CTBP2: variants seen among roughly 807,000 people sequenced by gnomAD.
CTBP2 encodes the protein C-terminal binding protein 2, also known as C-terminal-binding protein 2.
Under a neutral mutation model 80.3 loss-of-function variants are expected in CTBP2, and 30 were observed. That is an observed-to-expected ratio of 0.37 (90% CI 0.28 to 0.51). The LOEUF (loss-of-function observed/expected upper bound fraction) is 0.51. CTBP2 is among the 20% of genes least tolerant of loss of function. CTBP2 has a pLI of 0.93. For synonymous variants in CTBP2, 594 were observed against 587.4 expected, an observed-to-expected ratio of 1.01 and a Z score of -0.16; for missense variants, 1,212 against 1,375.3, an observed-to-expected ratio of 0.88 and a Z score of 1.88.
At chr10:125,113,265 G>A (rs532449880) in intron 1 of CTBP2, among the ~76,000 whole-genome samples, 1 of 152,328 alleles carries the variant, frequency 6.6e-6, no homozygotes, top group South Asian at 2.1e-4. Flanking sequence ...TGAGGTGGCA[G>A]AGCTTGCCTG....
chr10:125,061,509 T>C (rs1964969368), intron 2 of CTBP2, among the ~76,000 whole-genome samples: 1 of 152,174 alleles, frequency 6.6e-6, no homozygotes, highest in Non-Finnish European at 1.5e-5. Context: ...TCCTCCTCCT[T>C]GCTCCAAGGA....
intron 2 of CTBP2, among the ~76,000 whole-genome samples, chr10:125,062,778 T>G (rs910884586): frequency 4.6e-5 from 7 of 152,112 alleles, no homozygotes; most frequent in Non-Finnish European, 1.0e-4. Context: ...CAGGATAATC[T>G]CTTGAACCTG....
intron 3 of CTBP2, among the ~76,000 whole-genome samples, chr10:125,033,827 G>C (rs1958532204): frequency 6.6e-6 from 1 of 152,104 alleles, no homozygotes; most frequent in African/African-American, 2.4e-5. Context: ...GGGCCCAGGG[G>C]CTCCGGGCCA....
At chr10:125,105,122 T>C (rs1294084215) in intron 2 of CTBP2, among the ~76,000 whole-genome samples, 3 of 152,004 alleles carry the variant, frequency 2.0e-5, no homozygotes, top group Non-Finnish European at 4.4e-5. Context: ...CACCCAGGCA[T>C]AGGCAGGCGC....
chr10:125,106,414 C>T (rs929583776), intron 2 of CTBP2, among the ~76,000 whole-genome samples: 1 of 152,156 alleles, frequency 6.6e-6, no homozygotes, highest in Non-Finnish European at 1.5e-5. Context: ...GGACGCGGGG[C>T]GACCTGAGTT....
intron 1 of CTBP2, among the ~76,000 whole-genome samples, chr10:125,156,404 A>T (rs1860923120): frequency 6.6e-6 from 1 of 152,150 alleles, no homozygotes; most frequent in Admixed American, 6.5e-5. Context: ...AACTCTTTAA[A>T]TTTTTTCCAT....
Position 125,152,438 on chromosome 10 carries a change from C to CG in CTBP2, c.-206+7880_-206+7881insC, listed in dbSNP as rs1238652623. 2.0e-5 allele frequency among the ~76,000 whole-genome samples: 3 copies of CG among 152,210 alleles called. No individual in the cohort carries two copies. The East Asian group carries it at 5.8e-4, about 29-fold the overall frequency. On this transcript the variant is annotated intron_variant, in intron 1 of 10. Coordinates refer to the CTBP2 transcript ENST00000337195. ...TCAGTCTGAGCGGATCGCAGGGGTT[C>CG]CAGGCGCCCCAGGCCCCCCACACCG... is the stretch of plus-strand genomic sequence containing the variant.
At chr10:125,055,626 G>C (rs984809189) in intron 2 of CTBP2, among the ~76,000 whole-genome samples, 1 of 152,130 alleles carries the variant, frequency 6.6e-6, no homozygotes, top group Non-Finnish European at 1.5e-5. Flanking sequence ...ACACGGCTAC[G>C]TCTCACAAAG....
At chr10:125,087,960 A>C (rs1006331098) in intron 2 of CTBP2, among the ~76,000 whole-genome samples, 4 of 152,300 alleles carry the variant, frequency 2.6e-5, no homozygotes, top group Admixed American at 6.5e-5. Flanking sequence ...TGGGCTCAGC[A>C]GCCTCGGGTG....
intron 2 of CTBP2, among the ~76,000 whole-genome samples, chr10:125,069,342 G>A (rs946677871): frequency 1.3e-5 from 2 of 152,264 alleles, no homozygotes; most frequent in Admixed American, 6.5e-5. Flanking sequence ...CTATGGCCAA[G>A]TGCGGTGGCT....
At chr10:125,035,338 A>G (rs973132995) in intron 3 of CTBP2, among the ~76,000 whole-genome samples, 2 of 152,140 alleles carry the variant, frequency 1.3e-5, no homozygotes, top group Non-Finnish European at 2.9e-5. Context: ...GAGCTTGTTT[A>G]TTTAAGAGGA....
intron 2 of CTBP2, among the ~76,000 whole-genome samples, chr10:125,043,414 C>G (rs551349560): frequency 5.9e-5 from 9 of 152,132 alleles, no homozygotes; most frequent in Non-Finnish European, 1.2e-4. Context: ...TTTTATAGAC[C>G]CTCTCGATTT....
At position 125,044,794 on chromosome 10, in the gene CTBP2, T is replaced by C. The variant is rs186140464; in HGVS notation, c.-101-5639A>G. Among the ~76,000 whole-genome samples, 149 of 152,202 alleles carry C rather than the reference T, an allele frequency of 9.8e-4. 2 individuals carry two copies. Among genetic ancestry groups the C allele is most frequent in the Admixed American group, 9.3e-3 (142 of 15,294 alleles). On this transcript the variant is annotated intron_variant, in intron 2 of 10. Coordinates refer to the CTBP2 transcript ENST00000337195. ...CTTAAAGCAACAGCAAAGCCAGATA[T>C]AACAAAATAAACGTCCTAAAGGAGT...
At chr10:125,114,275 G>A (rs2135957939) in intron 1 of CTBP2, among the ~76,000 whole-genome samples, 1 of 152,278 alleles carries the variant, frequency 6.6e-6, no homozygotes, top group South Asian at 2.1e-4. Context: ...GGCCAGACAG[G>A]GGTCCTATTT....
At chr10:125,086,047 C>G (rs897611772) in intron 2 of CTBP2, among the ~76,000 whole-genome samples, 8 of 152,218 alleles carry the variant, frequency 5.3e-5, no homozygotes, top group Non-Finnish European at 7.3e-5. Flanking sequence ...CACAGAGAAC[C>G]ACTCCCTGTG....
intron 2 of CTBP2, among the ~76,000 whole-genome samples, chr10:125,057,835 T>A (rs1237792870): frequency 6.6e-6 from 1 of 152,168 alleles, no homozygotes; most frequent in Admixed American, 6.5e-5. Flanking sequence ...AGCATCCCAG[T>A]GCTTCGGGCA....
chr10:125,124,604 C>T (rs1422116826), intron 1 of CTBP2, among the ~76,000 whole-genome samples: 1 of 152,216 alleles, frequency 6.6e-6, no homozygotes, highest in Non-Finnish European at 1.5e-5. Context: ...ACTTTCAAAT[C>T]ATCAACATTG....
At chr10:125,123,990 C>T (rs1854781027) in intron 1 of CTBP2, among the ~76,000 whole-genome samples, 1 of 152,272 alleles carries the variant, frequency 6.6e-6, no homozygotes, top group South Asian at 2.1e-4. Flanking sequence ...TCAGGACTCC[C>T]TGACCCAGTC....
chr10:125,141,806 T>C (rs1018260755), intron 1 of CTBP2, among the ~76,000 whole-genome samples: 6 of 151,922 alleles, frequency 3.9e-5, no homozygotes, highest in Admixed American at 3.9e-4. Flanking sequence ...ACACAGCAAG[T>C]ACACAGTGAG....
Sources: gnomAD v4.1 joint callset for allele counts (sites outside exome capture counted in the v4.1 genomes callset) on GRCh38, gnomAD v4.1.1 for gene constraint, MANE v1.5 for transcripts, NCBI Gene and HGNC (gene_info 2026-07-23, HGNC 2026-07-21) for gene names.